Variants in LRFN5 observed in about 807,000 individuals in gnomAD.
LRFN5 encodes leucine rich repeat and fibronectin type III domain containing 5.
Under a neutral mutation model 45.6 loss-of-function variants are expected in LRFN5, and 24 were observed. The ratio of observed to expected loss-of-function variants is 0.53; its 90% CI spans 0.38 to 0.74. LRFN5 has a LOEUF of 0.74. Ranked by LOEUF, LRFN5 falls within the 30% of genes least tolerant of loss-of-function variation. The pLI is 0.00. For missense variants in LRFN5, 776 were observed against 861.5 expected (o/e 0.90, Z 1.24); for synonymous variants, 340 against 313.8 (o/e 1.08, Z -0.88).
At chr14:41,722,022 G>A (rs1193387148) in intron 1 of LRFN5, among the ~76,000 whole-genome samples, 2 of 151,722 alleles carry the variant, frequency 1.3e-5, no homozygotes, top group African/African-American at 4.8e-5. Context: ...AGGTTTGGTT[G>A]CTTTACATAA....
At chr14:41,874,135 G>A (rs1890112474) in intron 2 of LRFN5, among the ~76,000 whole-genome samples, 1 of 152,150 alleles carries the variant, frequency 6.6e-6, no homozygotes, top group Admixed American at 6.5e-5. Flanking sequence ...ACTGTGCTGA[G>A]GTAGCAGCAT....
intron 1 of LRFN5, among the ~76,000 whole-genome samples, chr14:41,622,435 T>C (rs1170470428): frequency 6.6e-6 from 1 of 152,112 alleles, no homozygotes; most frequent in African/African-American, 2.4e-5. Flanking sequence ...CTAAGCTTTG[T>C]CTTACGATCA....
At chr14:41,716,176 C>T (rs943877414) in intron 1 of LRFN5, among the ~76,000 whole-genome samples, 1 of 152,172 alleles carries the variant, frequency 6.6e-6, no homozygotes, top group African/African-American at 2.4e-5. Flanking sequence ...ACTTTTTCCT[C>T]CTCAGCCTTT....
rs144772864 is a variant in LRFN5, at chr14:41,883,830, TA to T, written c.-20-2774del. On this transcript the variant is annotated intron_variant, in intron 2 of 5. Transcript: ENST00000298119. ...GCTTGGATTTATAGATTTTTTTTAA[TA>T]ACATTCAACAAATTGTTTGCTTTTA... Among the ~76,000 whole-genome samples, 595 of 152,338 alleles carry T rather than the reference TA, an allele frequency of 3.9e-3. 6 individuals are homozygous for T. Among genetic ancestry groups the T allele is most frequent in the African/African-American group, 0.014 (579 of 41,584 alleles).
intron 5 of LRFN5, among the ~76,000 whole-genome samples, chr14:41,901,323 G>A (rs551679158): frequency 1.0e-3 from 158 of 151,912 alleles, no homozygotes; most frequent in African/African-American, 2.6e-3. Flanking sequence ...TATGCTGTTC[G>A]GCAGTTAAGT....
chr14:41,815,536 G>A (rs1566461003), intron 2 of LRFN5, among the ~76,000 whole-genome samples: 1 of 152,040 alleles, frequency 6.6e-6, no homozygotes, highest in Non-Finnish European at 1.5e-5. Context: ...TAAGGAGTTT[G>A]AGAGCGGTTG....
intron 1 of LRFN5, among the ~76,000 whole-genome samples, chr14:41,674,782 C>G (rs577413897): frequency 6.7e-6 from 1 of 148,756 alleles, no homozygotes; most frequent in South Asian, 2.1e-4. Context: ...GGCTGCCGGG[C>G]GGAGAGGCTC....
chr14:41,794,433 T>C (rs867577001), intron 2 of LRFN5, among the ~76,000 whole-genome samples: 7 of 152,112 alleles, frequency 4.6e-5, no homozygotes, highest in Non-Finnish European at 7.4e-5. Context: ...ATTCATTTAA[T>C]TTCATTTAAT....
chr14:41,757,076 T>C (rs939271500), intron 1 of LRFN5, among the ~76,000 whole-genome samples: 1 of 152,168 alleles, frequency 6.6e-6, no homozygotes, highest in Non-Finnish European at 1.5e-5. Flanking sequence ...ACAGAGGATA[T>C]TGGTGAACAG....
chr14:41,823,354 G>T (rs1247838218), intron 2 of LRFN5, among the ~76,000 whole-genome samples: 1 of 151,502 alleles, frequency 6.6e-6, no homozygotes, highest in Non-Finnish European at 1.5e-5. Flanking sequence ...CTTAGCATTC[G>T]CTTGTTTGGA....
rs544008392 is a variant in LRFN5, at chr14:41,871,181, C to G, written c.-20-15425C>G. On this transcript the variant is annotated intron_variant, in intron 2 of 5. Coordinates refer to ENST00000298119, the MANE Select transcript of LRFN5 (RefSeq NM_152447.5). ...GGACAAAAGTAGATACTAGATTTATCTCATTAAAAAAAATGCTTGCATCAA... is the reference window on the plus strand; with the variant it reads ...GGACAAAAGTAGATACTAGATTTATGTCATTAAAAAAAATGCTTGCATCAA... 2.0e-5 allele frequency among the ~76,000 whole-genome samples: 3 copies of G among 151,880 alleles called. No individual in the cohort carries two copies. In the South Asian group the frequency reaches 6.2e-4, roughly 32 times the overall value.
At chr14:41,888,850 A>T (rs1303261354) in intron 3 of LRFN5, among the ~76,000 whole-genome samples, 1 of 151,896 alleles carries the variant, frequency 6.6e-6, no homozygotes, top group Non-Finnish European at 1.5e-5. Flanking sequence ...ATCTTATCCA[A>T]TTTTCAGTTA....
chr14:41,805,646 T>C (rs550212673), intron 2 of LRFN5, among the ~76,000 whole-genome samples: 12 of 150,012 alleles, frequency 8.0e-5, no homozygotes, highest in Non-Finnish European at 1.6e-4. Context: ...TGAGTGAGAA[T>C]ATAATGATGA....
intron 2 of LRFN5, among the ~76,000 whole-genome samples, chr14:41,822,800 A>G (rs1402218684): frequency 1.4e-5 from 2 of 147,360 alleles, no homozygotes; most frequent in Non-Finnish European, 3.0e-5. Flanking sequence ...GTCTAGTAAC[A>G]TTTCTTTATG....
chr14:41,885,879 G>C (rs1890551615), intron 2 of LRFN5, among the ~76,000 whole-genome samples: 1 of 151,814 alleles, frequency 6.6e-6, no homozygotes, highest in Non-Finnish European at 1.5e-5. Context: ...AGCTGGGCGT[G>C]GTGTTGGGCG....
intron 1 of LRFN5, among the ~76,000 whole-genome samples, chr14:41,644,896 A>C (rs1015606550): frequency 1.3e-5 from 2 of 152,316 alleles, no homozygotes; most frequent in East Asian, 3.9e-4. Context: ...AATAAATTTC[A>C]GGGATCATAT....
At chr14:41,783,718 AT>A (rs1440738026) in intron 2 of LRFN5, among the ~76,000 whole-genome samples, 2 of 151,976 alleles carry the variant, frequency 1.3e-5, no homozygotes, top group East Asian at 3.9e-4. Context: ...ATGTTCTGTT[AT>A]TTTTTCACTA....
At chr14:41,660,472 T>C (rs1880596392) in intron 1 of LRFN5, among the ~76,000 whole-genome samples, 2 of 152,114 alleles carry the variant, frequency 1.3e-5, no homozygotes, top group South Asian at 2.1e-4. Context: ...CAATTACTAA[T>C]ATTAGAAAAC....
chr14:41,837,908 A>T (rs1452236529), intron 2 of LRFN5, among the ~76,000 whole-genome samples: 3 of 152,218 alleles, frequency 2.0e-5, no homozygotes, highest in Admixed American at 1.3e-4. Context: ...AAATATACTC[A>T]TTGTAAATGT....
Sources: allele counts gnomAD v4.1 joint callset (sites outside exome capture counted in the v4.1 genomes callset), GRCh38; gene constraint gnomAD v4.1.1; transcripts MANE v1.5; gene names NCBI Gene and HGNC (gene_info 2026-07-23, HGNC 2026-07-21).